MTAP: variants seen among roughly 807,000 people sequenced by gnomAD.
MTAP encodes the protein methylthioadenosine phosphorylase.
MTAP carries 33 observed loss-of-function variants against 33.6 expected under a neutral mutation model. The observed-to-expected ratio is 0.98, with a 90% CI of 0.74 to 1.31. The LOEUF (loss-of-function observed/expected upper bound fraction) is 1.31. MTAP is among the 40% of genes most tolerant of loss of function. The pLI is 0.00. For missense variants in MTAP, 367 were observed against 360.0 expected (o/e 1.02, Z -0.16); for synonymous variants, 148 against 125.7 (o/e 1.18, Z -1.19).
chr9:21,910,846 C>G (rs80080061), intron 1 of MTAP, among the ~76,000 whole-genome samples: 1,793 of 152,152 alleles, frequency 0.012, 41 homozygotes, highest in African/African-American at 0.041. Context: ...TCTTCAAGTC[C>G]GCATCCCCCA....
At chr9:21,873,182 T>C (rs968262962) in intron 1 of MTAP, among the ~76,000 whole-genome samples, 5 of 152,214 alleles carry the variant, frequency 3.3e-5, no homozygotes, top group African/African-American at 1.2e-4. Flanking sequence ...AAAAAAAAGT[T>C]ACATAAAATG....
intron 1 of MTAP, among the ~76,000 whole-genome samples, chr9:21,917,621 G>A (rs1004684408): frequency 1.3e-5 from 2 of 152,138 alleles, no homozygotes; most frequent in Non-Finnish European, 2.9e-5. Flanking sequence ...GGTGCAAAGG[G>A]AACATCTTTA....
chr9:21,873,794 C>T (rs1284443970), intron 1 of MTAP, among the ~76,000 whole-genome samples: 1 of 151,838 alleles, frequency 6.6e-6, no homozygotes, highest in Admixed American at 6.6e-5. Flanking sequence ...TAAATGGTTC[C>T]TAAGGAAGTT....
intron 1 of MTAP, among the ~76,000 whole-genome samples, chr9:21,911,779 G>C (rs1395236673): frequency 3.9e-5 from 6 of 151,920 alleles, no homozygotes; most frequent in Non-Finnish European, 8.8e-5. Context: ...TAACCAAGAT[G>C]GGAGCAGAAC....
chr9:21,931,484 T>C, downstream of MTAP: 1 of 275,646 alleles, frequency 3.6e-6, no homozygotes, highest in Non-Finnish European at 6.7e-6. Flanking sequence ...TCCCAATAGA[T>C]AGAAAAGTCC....
downstream of MTAP, among the ~76,000 whole-genome samples, chr9:21,938,019 T>A (rs1157580851): frequency 6.6e-6 from 1 of 152,194 alleles, no homozygotes; most frequent in Non-Finnish European, 1.5e-5. Flanking sequence ...ATGCCTGTAA[T>A]CCTAGCACTT....
chr9:21,897,119 A>C (rs922181074), intron 1 of MTAP, among the ~76,000 whole-genome samples: 3 of 152,200 alleles, frequency 2.0e-5, no homozygotes, highest in Admixed American at 6.5e-5. Flanking sequence ...AACAGAACCA[A>C]AGACAAAAAC....
chr9:21,823,089 C>T (rs60234353), intron 4 of MTAP, among the ~76,000 whole-genome samples: 9,344 of 152,176 alleles, frequency 0.061, 974 homozygotes, highest in African/African-American at 0.21. Flanking sequence ...TCCAATTTGC[C>T]AGTCTGTGTC....
chr9:21,854,926 G>A, intron 6 of MTAP, 56 bp downstream of exon 6: 1 of 1,585,212 alleles, frequency 6.3e-7, no homozygotes, highest in Non-Finnish European at 8.6e-7. Context: ...TGCCAATAGG[G>A]TGTCTTAACT....
chr9:21,938,245 G>C (rs996290401), downstream of MTAP, among the ~76,000 whole-genome samples: 21 of 150,280 alleles, frequency 1.4e-4, no homozygotes, highest in African/African-American at 5.2e-4. Flanking sequence ...CTGCACTCCA[G>C]CCTCGGCAAC....
At chr9:21,823,972 A>G (rs1824717820) in intron 4 of MTAP, among the ~76,000 whole-genome samples, 2 of 152,090 alleles carry the variant, frequency 1.3e-5, no homozygotes, top group Non-Finnish European at 2.9e-5. Flanking sequence ...TCATTTAAGG[A>G]CTTCTCTACA....
At chr9:21,828,055 A>G (rs755598100) in intron 4 of MTAP, among the ~76,000 whole-genome samples, 1 of 152,236 alleles carries the variant, frequency 6.6e-6, no homozygotes, top group African/African-American at 2.4e-5. Context: ...GATGTTTCAC[A>G]TACTGGCTCT....
intron 5 of MTAP, among the ~76,000 whole-genome samples, chr9:21,841,386 A>G (rs1825240586): frequency 6.6e-6 from 1 of 152,186 alleles, no homozygotes; most frequent in Non-Finnish European, 1.5e-5. Context: ...GACAACACCT[A>G]ATTTCACTGC....
intron 1 of MTAP, among the ~76,000 whole-genome samples, chr9:21,923,525 A>G (rs930449476): frequency 2.0e-5 from 3 of 152,160 alleles, no homozygotes; most frequent in African/African-American, 7.2e-5. Context: ...TGTTTATGTG[A>G]GCATATGAAG....
chr9:21,830,254 GAT>G (rs1214309313), intron 4 of MTAP, among the ~76,000 whole-genome samples: 3 of 152,194 alleles, frequency 2.0e-5, no homozygotes, highest in African/African-American at 7.2e-5. Context: ...CGAGTTTCCT[GAT>G]GCTTCCTTGC....
intron 1 of MTAP, among the ~76,000 whole-genome samples, chr9:21,920,965 T>C (rs1818778348): frequency 4.6e-5 from 7 of 152,194 alleles, no homozygotes; most frequent in Admixed American, 4.6e-4. Flanking sequence ...CTCCCATTTT[T>C]TTTGGAAGAG....
intron 5 of MTAP, among the ~76,000 whole-genome samples, chr9:21,849,233 C>A (rs550085833): frequency 6.6e-6 from 1 of 152,138 alleles, no homozygotes; most frequent in Non-Finnish European, 1.5e-5. Flanking sequence ...ATCTTTCTCC[C>A]GTCCTTCCCC....
chr9:21,834,342 C>T (rs544595388), intron 4 of MTAP, among the ~76,000 whole-genome samples: 3 of 152,308 alleles, frequency 2.0e-5, no homozygotes, highest in Admixed American at 6.5e-5. Flanking sequence ...CCCTGAAATC[C>T]GTGTTTTCCA....
chr9:21,841,994 A>G (rs1216646029), intron 5 of MTAP, among the ~76,000 whole-genome samples: 1 of 152,236 alleles, frequency 6.6e-6, no homozygotes, highest in Non-Finnish European at 1.5e-5. Context: ...GAAATAGCAG[A>G]GAAAGGTAAA....
Sources: allele counts gnomAD v4.1 joint callset (sites outside exome capture counted in the v4.1 genomes callset), GRCh38; gene constraint gnomAD v4.1.1; transcripts MANE v1.5; gene names NCBI Gene and HGNC (gene_info 2026-07-23, HGNC 2026-07-21).